Variants in OR10G7 observed in about 807,000 individuals in gnomAD.
OR10G7 encodes the protein olfactory receptor family 10 subfamily G member 7, also known as olfactory receptor 10G7.
For synonymous variants in OR10G7, 165 were observed against 167.4 expected, an observed-to-expected ratio of 0.99 and a Z score of 0.11; for missense variants, 338 against 382.1, an observed-to-expected ratio of 0.88 and a Z score of 0.96.
Position 124,040,912 on chromosome 11 carries a change from T to C in OR10G7, c.-47A>G, listed in dbSNP as rs1428573014. 1 of 152,148 alleles carries C rather than the reference T, an allele frequency of 6.6e-6. No individual in the cohort carries two copies. The highest frequency in any genetic ancestry group is 1.9e-4 in the East Asian group (1 of 5,192). The allele number at this position is 152,148 out of a possible 1,614,324, so 9.4% of individuals were successfully genotyped here. A position where few individuals can be genotyped will look rare whatever the true frequency, so the allele number is the denominator to read the frequency against. The stretch of plus-strand genomic sequence containing the variant: ...AATTTTACAACTAGGTTTTGGATCA[T>C]GAAGCAAAATTCAATATTGAAAGAA... On this transcript the variant is annotated 5_prime_UTR_variant, in exon 1 of 2. The change abolishes an upstream ATG in the 5' untranslated region. Transcript: ENST00000641585.
rs1458779486 is a variant in OR10G7, at chr11:124,037,403, C to T, written c.*663G>A. The T allele has an allele frequency of 1.3e-5, 2 of 151,308 alleles. No individual in the cohort carries two copies. The highest frequency in any genetic ancestry group is 4.9e-5 in the African/African-American group (2 of 40,744). 9.4% of individuals were successfully genotyped at this position (151,308 alleles called of 1,614,324 possible). A position where few individuals can be genotyped will look rare whatever the true frequency, so the allele number is the denominator to read the frequency against. On this transcript the variant is annotated 3_prime_UTR_variant, in exon 2 of 2. Coordinates refer to ENST00000641585, the MANE Select transcript of OR10G7 (RefSeq NM_001004463.2). The stretch of plus-strand genomic sequence containing the variant: ...CATTGAGGATAAGAGATTGGCAGCT[C>T]CACAAATATGGAAGGAAAGTCTAGA...
chr11:124,036,539 T>C lies in OR10G7; in HGVS notation c.*1527A>G, dbSNP rs1026543866. 1 of 152,222 alleles carries C rather than the reference T, an allele frequency of 6.6e-6. No homozygotes were observed. The highest frequency in any genetic ancestry group is 1.5e-5 in the Non-Finnish European group (1 of 68,036). 9.4% of individuals were successfully genotyped at this position (152,222 alleles called of 1,614,324 possible). A position where few individuals can be genotyped will look rare whatever the true frequency, so the allele number is the denominator to read the frequency against. ...AGCATGTGACTTAACACCCAATAAATATCCCATAACATTTTAGGTAATGGT... is the reference window on the plus strand; with the variant it reads ...AGCATGTGACTTAACACCCAATAAACATCCCATAACATTTTAGGTAATGGT... On this transcript the variant is annotated 3_prime_UTR_variant, in exon 2 of 2. Coordinates refer to ENST00000641585, the MANE Select transcript of OR10G7 (RefSeq NM_001004463.2).
chr11:124,039,115 G>A (rs914742153), intron 1 of OR10G7, 94 bp from the exon 2 acceptor site: 1 of 1,228,360 alleles, frequency 8.1e-7, no homozygotes, highest in South Asian at 1.6e-5. Flanking sequence ...GAACAATAGG[G>A]TTAAATTATT....
Position 124,038,944 on chromosome 11 carries a change from C to G in OR10G7, c.58G>C (p.Gly20Arg), listed in dbSNP as rs1338050105. 1 of 1,612,556 alleles carries G rather than the reference C, an allele frequency of 6.2e-7. No individual in the cohort carries two copies. The highest frequency in any genetic ancestry group is 1.1e-5 in the South Asian group (1 of 90,920). ...ATTCCAAAGAGGGGGGCGTCCAGCC[C>G]TGGGGCATGGGGAAGGCCCGTGAGG... ...FILTGLPHAP[G>R]LDAPLFGIFL... Residue 20 changes from glycine (G) to arginine (R), a missense_variant, in exon 2 of 2, where the codon GGG becomes CGG. Transcript: ENST00000641585.
In OR10G7 at chr11:124,038,156, G is replaced by A. The variant is rs1369986452; in HGVS notation, c.846C>T (p.Phe282=). The change falls in exon 2 of 2, where the codon TTC becomes TTT. Residue 282 remains phenylalanine, a synonymous_variant. Coordinates refer to ENST00000641585, the MANE Select transcript of OR10G7 (RefSeq NM_001004463.2). The part of the protein sequence containing the change: ...AVFYTTLTPL[F]NPVVYTLRNK... ...TTCTCAGGGTGTACACAACAGGGTT[G>A]AAAAGAGGAGTCAGCGTGGTGTAGA... is the stretch of plus-strand genomic sequence containing the variant. 12 of 1,614,128 alleles carry A rather than the reference G, an allele frequency of 7.4e-6. No individual in the cohort carries two copies. The highest frequency in any genetic ancestry group is 2.2e-5 in the South Asian group (2 of 91,084).
Position 124,037,846 on chromosome 11 carries a change from A to G in OR10G7, c.*220T>C. The stretch of plus-strand genomic sequence containing the variant: ...TTACTTAATGGAACGTGAAAAGAAT[A>G]GACTATTATCCTTTCTCTTAGATTA... On this transcript the variant is annotated 3_prime_UTR_variant, in exon 2 of 2. Transcript: ENST00000641585. The G allele has an allele frequency of 2.9e-6, 1 of 347,424 alleles. No individual in the cohort carries two copies. The highest frequency in any genetic ancestry group is 4.5e-5 in the East Asian group (1 of 22,090). The allele number at this position is 347,424 out of a possible 1,614,324, so 21.5% of individuals were successfully genotyped here. A position where few individuals can be genotyped will look rare whatever the true frequency, so the allele number is the denominator to read the frequency against.
chr11:124,036,046 A>G lies in OR10G7; in HGVS notation c.*2020T>C, dbSNP rs1864189367. The G allele has an allele frequency of 6.6e-6, 1 of 152,220 alleles. No individual in the cohort carries two copies. The highest frequency in any genetic ancestry group is 2.4e-5 in the African/African-American group (1 of 41,464). The allele number at this position is 152,220 out of a possible 1,614,324, so 9.4% of individuals were successfully genotyped here. A position where few individuals can be genotyped will look rare whatever the true frequency, so the allele number is the denominator to read the frequency against. On this transcript the variant is annotated 3_prime_UTR_variant, in exon 2 of 2. Transcript: ENST00000641585. ...GTTAAAACTGTATAGTATTTAACAA[A>G]TACACACACATACACGTGAGTAAAA... is the stretch of plus-strand genomic sequence containing the variant.
In OR10G7 at chr11:124,041,304, G is replaced by A. The variant is rs1284347550; in HGVS notation, c.-439C>T. The stretch of plus-strand genomic sequence containing the variant: ...TTAATAATAGTAAATATGGGTTTTA[G>A]TTATAAAGGAGCTAATTATCTGAAG... On this transcript the variant is annotated 5_prime_UTR_variant, in exon 1 of 2. Transcript: ENST00000641585. The A allele has an allele frequency of 6.6e-6, 1 of 152,016 alleles. No individual in the cohort carries two copies. The highest frequency in any genetic ancestry group is 2.4e-5 in the African/African-American group (1 of 41,332). The allele number at this position is 152,016 out of a possible 1,614,324, so 9.4% of individuals were successfully genotyped here.
rs916730008 is a variant in OR10G7 at position 124,037,269 on chromosome 11, T to G, written c.*797A>C. On this transcript the variant is annotated 3_prime_UTR_variant, in exon 2 of 2. Coordinates refer to ENST00000641585, the MANE Select transcript of OR10G7 (RefSeq NM_001004463.2). Reference sequence around the variant, plus strand: ...ATTAAGGGATACTCTTAACAGTTTTTGACTGCATATTTTTGTCTCTAAGAT... The same window carrying G: ...ATTAAGGGATACTCTTAACAGTTTTGGACTGCATATTTTTGTCTCTAAGAT... 2 of 152,230 alleles carry G rather than the reference T, an allele frequency of 1.3e-5. No homozygotes were observed. The highest frequency in any genetic ancestry group is 2.4e-5 in the African/African-American group (1 of 41,464). The allele number at this position is 152,230 out of a possible 1,614,324, so 9.4% of individuals were successfully genotyped here. A position where few individuals can be genotyped will look rare whatever the true frequency, so the allele number is the denominator to read the frequency against.
chr11:124,038,566 C>CGGT lies in OR10G7; in HGVS notation c.433_435dup (p.Thr145dup), dbSNP rs1191850404. On this transcript the variant is annotated inframe_insertion, in exon 2 of 2. Transcript: ENST00000641585. Reference sequence around the variant, plus strand: ...TGCAGAGAGCCACTGAGCCAAGTGCCGGTGGCCAGGAGGGCACACGAGCGC... The same window carrying CGGT: ...TGCAGAGAGCCACTGAGCCAAGTGCCGGTGGTGGCCAGGAGGGCACACGAGCGC... 2 of 1,613,588 alleles carry CGGT rather than the reference C, an allele frequency of 1.2e-6. No individual in the cohort carries two copies. The highest frequency in any genetic ancestry group is 1.7e-5 in the Admixed American group (1 of 59,982).
Position 124,038,567 on chromosome 11 carries a change from G to C in OR10G7, c.435C>G (p.Thr145=), listed in dbSNP as rs756653254. Residue 145 remains threonine (T), a synonymous_variant, in exon 2 of 2, where the codon ACC becomes ACG. Transcript: ENST00000641585. Reference sequence around the variant, plus strand: ...GCAGAGAGCCACTGAGCCAAGTGCCGGTGGCCAGGAGGGCACACGAGCGCC... The same window carrying C: ...GCAGAGAGCCACTGAGCCAAGTGCCCGTGGCCAGGAGGGCACACGAGCGCC... ...MTGRSCALLA[T]GTWLSGSLHS... is the part of the protein sequence containing the mutation. The C allele has an allele frequency of 6.2e-7, 1 of 1,613,702 alleles. No individual in the cohort carries two copies. Among genetic ancestry groups the C allele is most frequent in the African/African-American group, 1.3e-5 (1 of 74,766 alleles).
chr11:124,038,400 T>G lies in OR10G7; in HGVS notation c.602A>C (p.Asn201Thr), dbSNP rs1864211809. 2 of 1,614,012 alleles carry G rather than the reference T, an allele frequency of 1.2e-6. No homozygotes were observed. Among genetic ancestry groups the G allele is most frequent in the Non-Finnish European group, 8.5e-7 (1 of 1,179,978 alleles). Reference sequence around the variant, plus strand: ...GCAGCCCGAGGCCACTAGCCCAATATTCACAAAGATGACCATCTCGTTGGC... The same window carrying G: ...GCAGCCCGAGGCCACTAGCCCAATAGTCACAAAGATGACCATCTCGTTGGC... ...TSANEMVIFV[N>T]IGLVASGCFV... The change falls in exon 2 of 2, where the codon AAT becomes ACT. Residue 201 changes from asparagine to threonine, a missense_variant. Asn to Thr is a moderately conservative substitution (Grantham distance 65). Coordinates refer to ENST00000641585, the MANE Select transcript of OR10G7 (RefSeq NM_001004463.2).
rs200920182 is a variant in OR10G7 at position 124,040,568 on chromosome 11, TG to T, written c.-21+317del. 1.5e-3 allele frequency among the ~76,000 whole-genome samples: 230 copies of T among 151,696 alleles called. 2 individuals carry two copies. Among genetic ancestry groups the T allele is most frequent in the Non-Finnish European group, 1.6e-4 (11 of 67,870 alleles). On this transcript the variant is annotated intron_variant, in intron 1 of 1. Transcript: ENST00000641585. ...TCATAAATCAGCAATACATTTTTTG[TG>T]GGGGGGGCTCTGACAGAAGCAGACT... is the stretch of plus-strand genomic sequence containing the variant.
At chr11:124,040,712 ACCACAAAAAGTTGG>A (rs1344791639) in intron 1 of OR10G7, among the ~76,000 whole-genome samples, 160 bp downstream of exon 1, 1 of 152,112 alleles carries the variant, frequency 6.6e-6, no homozygotes, top group Non-Finnish European at 1.5e-5. Context: ...CTTCTACAGA[ACCACAAAAAGTTGG>A]CTCTGTAAGT....
In OR10G7 at chr11:124,038,988, G is replaced by C. The variant is rs3894197; in HGVS notation, c.14C>G (p.Thr5Ser). The stretch of plus-strand genomic sequence containing the variant: ...CGTGAGGATGAACGCTGTCAGTAGG[G>C]TGGCGTTGGACATTTCTTCTCATAT... The part of the protein sequence containing the change: MSNA[T>S]LLTAFILTGL... The change falls in exon 2 of 2, where the codon ACC (threonine) becomes AGC (serine). Residue 5 changes from threonine (T) to serine (S), a missense_variant. Transcript: ENST00000641585. 0.74 allele frequency: 1,185,609 copies of C among 1,608,064 alleles called. 443,024 individuals carry two copies. The highest frequency in any genetic ancestry group is 0.81 in the Admixed American group (48,770 of 59,984).
chr11:124,039,167 T>C (rs1466365662), intron 1 of OR10G7, 146 bp from the exon 2 acceptor site: 2 of 819,702 alleles, frequency 2.4e-6, no homozygotes, highest in South Asian at 2.1e-5. Context: ...TATAGGTCTT[T>C]GAAGAGGAAT....
rs1373061802 is a variant in OR10G7, at chr11:124,038,846, G to C, written c.156C>G (p.His52Gln). The stretch of plus-strand genomic sequence containing the variant: ...GGAAGTAGTACATGGGGGTGTGGAG[G>C]TGAGAATCCACCCTGATCACCAGCA... Reference protein sequence around the residue: ...LILLVIRVDSHLHTPMYYFLT... With the variant: ...LILLVIRVDSQLHTPMYYFLT... The change falls in exon 2 of 2, where the codon CAC becomes CAG. Residue 52 changes from histidine to glutamine, a missense_variant. His to Gln is a conservative substitution (Grantham distance 24, BLOSUM62 0). Coordinates refer to ENST00000641585, the MANE Select transcript of OR10G7 (RefSeq NM_001004463.2). 6.2e-7 allele frequency: 1 copy of C among 1,613,872 alleles called. No individual in the cohort carries two copies. Among genetic ancestry groups the C allele is most frequent in the South Asian group, 1.1e-5 (1 of 91,074 alleles).
Position 124,036,771 on chromosome 11 carries a change from T to C in OR10G7, c.*1295A>G, listed in dbSNP as rs1294921000. On this transcript the variant is annotated 3_prime_UTR_variant, in exon 2 of 2. Transcript: ENST00000641585. ...GATCATGGTTTATGTAGTTCATGCT[T>C]CATGTACTGTGTCATGGTTTATGTA... The C allele has an allele frequency of 6.6e-6, 1 of 152,218 alleles. No homozygotes were observed. The highest frequency in any genetic ancestry group is 1.5e-5 in the Non-Finnish European group (1 of 68,026). The allele number at this position is 152,218 out of a possible 1,614,324, so 9.4% of individuals were successfully genotyped here. A position where few individuals can be genotyped will look rare whatever the true frequency, so the allele number is the denominator to read the frequency against.
At position 124,038,039 on chromosome 11, in the gene OR10G7, A is replaced by G; in HGVS notation, c.*27T>C. The G allele has an allele frequency of 6.8e-7, 1 of 1,467,080 alleles. No individual in the cohort carries two copies. The highest frequency in any genetic ancestry group is 9.2e-7 in the Non-Finnish European group (1 of 1,084,372). The allele number at this position is 1,467,080 out of a possible 1,614,324, so 90.9% of individuals were successfully genotyped here. The stretch of plus-strand genomic sequence containing the variant: ...AATTTAATTACAAATAAAAAAAGAA[A>G]AGTTAGCCATATATGGCCTTTCTTA... On this transcript the variant is annotated 3_prime_UTR_variant, in exon 2 of 2. Coordinates refer to ENST00000641585, the MANE Select transcript of OR10G7 (RefSeq NM_001004463.2).
Sources: gnomAD v4.1 joint callset for allele counts (sites outside exome capture counted in the v4.1 genomes callset) on GRCh38, gnomAD v4.1.1 for gene constraint, MANE v1.5 for transcripts, NCBI Gene and HGNC (gene_info 2026-07-23, HGNC 2026-07-21) for gene names.